SHLD2: variants seen among roughly 807,000 people sequenced by gnomAD.
SHLD2 encodes the protein shieldin complex subunit 2.
In SHLD2, 30 loss-of-function variants were observed where a neutral mutation model predicts 73.2. The ratio of observed to expected loss-of-function variants is 0.41; its 90% confidence interval spans 0.31 to 0.56. The LOEUF is 0.56. SHLD2 is among the 20% of genes least tolerant of loss of function. The pLI, the probability that SHLD2 is intolerant of heterozygous loss-of-function variation, is 0.28. For missense variants in SHLD2, 745 were observed against 1,055.9 expected (o/e 0.71, Z 4.08); for synonymous variants, 285 against 370.1 (o/e 0.77, Z 2.64).
In SHLD2 at chr10:87,130,555, TGA is replaced by T. The variant is rs572139322; in HGVS notation, c.-5-20793_-5-20792del. 4.0e-4 allele frequency among the ~76,000 whole-genome samples: 61 copies of T among 152,128 alleles called. 2 individuals carry two copies. The East Asian group carries it at 0.01, about 26-fold the overall frequency. ...GGTATTTAGGAAGGTACTGAGAGATTGAGCGTTTCCTAAGGAGCTTTCAGCCA... is the reference window on the plus strand; with the variant it reads ...GGTATTTAGGAAGGTACTGAGAGATTGCGTTTCCTAAGGAGCTTTCAGCCA... On this transcript the variant is annotated intron_variant, in intron 2 of 9. Transcript: ENST00000298786.
At chr10:87,094,521 G>A (rs372722641), upstream of SHLD2, 1 of 1,612,926 alleles carries the variant, frequency 6.2e-7, no homozygotes, top group Non-Finnish European at 8.5e-7. The surrounding 1 kb of genome is among the most constrained non-coding windows in gnomAD (Gnocchi z 6.6). Flanking sequence ...CCACCAGCTT[G>A]TCCTCCACGA....
intron 2 of SHLD2, among the ~76,000 whole-genome samples, chr10:87,129,552 C>T (rs1473198681): frequency 2.6e-5 from 4 of 152,022 alleles, no homozygotes; most frequent in African/African-American, 9.7e-5. Context: ...CTTCTTTATT[C>T]TGTTGCCATC....
chr10:87,133,151 CAG>C (rs1344808099), intron 2 of SHLD2, among the ~76,000 whole-genome samples: 1 of 152,198 alleles, frequency 6.6e-6, no homozygotes, highest in Admixed American at 6.5e-5. Context: ...GATATCTAGA[CAG>C]AAAGTCTCTA....
chr10:87,182,523 A>G (rs1472009348), intron 8 of SHLD2, among the ~76,000 whole-genome samples: 1 of 152,242 alleles, frequency 6.6e-6, no homozygotes, highest in Non-Finnish European at 1.5e-5. Flanking sequence ...ATTAACATGT[A>G]GATAGCATAG....
intron 9 of SHLD2, among the ~76,000 whole-genome samples, chr10:87,189,508 G>A (rs1848888435): frequency 6.6e-6 from 1 of 152,036 alleles, no homozygotes; most frequent in Admixed American, 6.5e-5. Context: ...TATTGGTTAT[G>A]TTTTAGTTTA....
chr10:87,183,081 T>C (rs1242551081), intron 8 of SHLD2, among the ~76,000 whole-genome samples: 19 of 152,134 alleles, frequency 1.2e-4, no homozygotes. Flanking sequence ...TTGCCTTATT[T>C]TGGAGGGGAG....
intron 2 of SHLD2, among the ~76,000 whole-genome samples, chr10:87,142,167 C>G (rs894397780): frequency 6.6e-6 from 1 of 152,188 alleles, no homozygotes; most frequent in Non-Finnish European, 1.5e-5. Context: ...GGAGAGAAGT[C>G]TTAAAAACCA....
At position 87,152,530 on chromosome 10, in the gene SHLD2, A is replaced by T. The variant is rs143979850; in HGVS notation, c.1176A>T (p.Leu392=). 1.9e-6 allele frequency: 3 copies of T among 1,611,984 alleles called. No individual in the cohort carries two copies. Among genetic ancestry groups the T allele is most frequent in the Non-Finnish European group, 2.5e-6 (3 of 1,179,846 alleles). ...ATAAAGTGGGCCAGTCTGAAGCTCT[A>T]TCTAGAGTCCTTCAAGTAGCTAAGA... ...SEDKVGQSEA[L]SRVLQVAKKM... Residue 392 remains leucine, a synonymous_variant, in exon 3 of 10, where the codon CTA becomes CTT. Coordinates refer to ENST00000298786, the MANE Select transcript of SHLD2 (RefSeq NM_001330112.2).
At chr10:87,144,484 G>A (rs1845430252) in intron 2 of SHLD2, among the ~76,000 whole-genome samples, 1 of 152,128 alleles carries the variant, frequency 6.6e-6, no homozygotes, top group African/African-American at 2.4e-5. Flanking sequence ...GATACTAAAT[G>A]AGCAATAGCT....
intron 2 of SHLD2, among the ~76,000 whole-genome samples, chr10:87,108,458 A>T (rs1842734372): frequency 6.6e-6 from 1 of 152,144 alleles, no homozygotes; most frequent in East Asian, 1.9e-4. Context: ...AAGTGCTGGG[A>T]TTACAGGCTT....
intron 9 of SHLD2, among the ~76,000 whole-genome samples, chr10:87,189,837 C>T (rs996436552): frequency 5.3e-5 from 8 of 152,024 alleles, no homozygotes; most frequent in Non-Finnish European, 1.0e-4. Flanking sequence ...ATTCAAGATT[C>T]TTTTATATAA....
upstream of SHLD2, chr10:87,094,575 G>A (rs760817479): frequency 1.8e-5 from 29 of 1,611,660 alleles, no homozygotes; most frequent in African/African-American, 3.5e-4. The surrounding 1 kb of genome is among the most constrained non-coding windows in gnomAD (Gnocchi z 6.6). Flanking sequence ...TCTTGAAGAA[G>A]TTGGGGTCGT....
intron 6 of SHLD2, among the ~76,000 whole-genome samples, chr10:87,172,473 A>C (rs1847654942): frequency 6.6e-6 from 1 of 152,138 alleles, no homozygotes; most frequent in Admixed American, 6.5e-5. Flanking sequence ...GGGTGAATAC[A>C]TAAAGATATT....
intron 2 of SHLD2, among the ~76,000 whole-genome samples, chr10:87,130,818 C>A (rs956439138): frequency 3.9e-5 from 6 of 152,122 alleles, no homozygotes; most frequent in Non-Finnish European, 5.9e-5. Flanking sequence ...GGCCTGTAAT[C>A]CCAGAATTTT....
chr10:87,156,223 C>T (rs1242339051), intron 3 of SHLD2, among the ~76,000 whole-genome samples: 29 of 151,912 alleles, frequency 1.9e-4, no homozygotes, highest in East Asian at 3.9e-4. Flanking sequence ...CCCGCCACCA[C>T]GCCTGACTAA....
intron 2 of SHLD2, among the ~76,000 whole-genome samples, chr10:87,138,556 A>G (rs185780827): frequency 1.3e-5 from 2 of 152,288 alleles, no homozygotes; most frequent in East Asian, 3.9e-4. Flanking sequence ...TACAGCATAT[A>G]TGTGATTATA....
intron 2 of SHLD2, among the ~76,000 whole-genome samples, chr10:87,141,495 C>G (rs1261346898): frequency 6.6e-6 from 1 of 152,054 alleles, no homozygotes; most frequent in Non-Finnish European, 1.5e-5. Context: ...GCGCGTGCCA[C>G]CACACCCAGC....
intron 2 of SHLD2, among the ~76,000 whole-genome samples, chr10:87,107,913 C>G (rs1842700775): frequency 6.6e-6 from 1 of 151,394 alleles, no homozygotes; most frequent in Non-Finnish European, 1.5e-5. Context: ...TTGAGGCAGT[C>G]TCACTCTGTC....
chr10:87,168,081 G>A lies in SHLD2; in HGVS notation c.1634-2397G>A, dbSNP rs553786818. On this transcript the variant is annotated intron_variant, in intron 4 of 9. Coordinates refer to ENST00000298786, the MANE Select transcript of SHLD2 (RefSeq NM_001330112.2). The stretch of plus-strand genomic sequence containing the variant: ...GAAAACAGTTTGGGGTTTTCTCAAA[G>A]AAGTTAAAACTGAACTATGATTTGA... Among the ~76,000 whole-genome samples, 404 of 152,300 alleles carry A rather than the reference G, an allele frequency of 2.7e-3. 1 individual carries two copies. Among genetic ancestry groups the A allele is most frequent in the African/African-American group, 8.2e-3 (340 of 41,568 alleles).
Sources: allele counts gnomAD v4.1 joint callset (sites outside exome capture counted in the v4.1 genomes callset), GRCh38; gene constraint gnomAD v4.1.1; non-coding constraint Gnocchi (gnomAD v3.1); transcripts MANE v1.5; gene names NCBI Gene and HGNC (gene_info 2026-07-23, HGNC 2026-07-21).